Variants in RP2 observed in about 807,000 individuals in gnomAD.
The protein encoded by RP2 is protein XRP2.
A neutral mutation model predicts 20.3 loss-of-function variants in RP2; 3 were observed. The ratio of observed to expected loss-of-function variants is 0.15; its 90% CI spans 0.07 to 0.38. The LOEUF is 0.38. Among genes scored for constraint, RP2 ranks in the 10% least tolerant of loss-of-function variants. The pLI is 1.00. For missense variants in RP2, 233 were observed against 268.5 expected (o/e 0.87, Z 0.92); for synonymous variants, 75 against 94.8 (o/e 0.79, Z 1.22).
Position 46,853,748 on chromosome X carries a change from G to A in RP2, c.375G>A (p.Leu125=). The A allele has an allele frequency of 8.3e-7, 1 of 1,212,006 alleles. No individual in the cohort carries two copies. The highest frequency in any genetic ancestry group is 1.1e-6 in the Non-Finnish European group (1 of 895,606). The change falls in exon 2 of 5, where the codon CTG becomes CTA. Residue 125 remains leucine (L), a synonymous_variant. Coordinates refer to ENST00000218340, the MANE Select transcript of RP2 (RefSeq NM_006915.3). The part of the protein sequence containing the change: ...QQFRVRDCRK[L]EVFLCCATQP... ...TTCGTGTGCGAGATTGTAGAAAGCT[G>A]GAAGTCTTTTTGTGTTGTGCCACTC...
intron 1 of RP2, among the ~76,000 whole-genome samples, chrX:46,847,717 TATATGTGTGTGTGTATATACACAC>T (rs1173671578): frequency 1.7e-3 from 116 of 67,960 alleles, no homozygotes; most frequent in South Asian, 3.3e-3. Context: ...TATACACACA[TATATGTGTGTGTGTATATACACAC>T]ATATGTGTGT....
chrX:46,844,802 A>G (rs930966931), intron 1 of RP2, among the ~76,000 whole-genome samples: 1 of 111,843 alleles, frequency 8.9e-6, no homozygotes, highest in Admixed American at 9.5e-5. Context: ...CCAACAGTGT[A>G]AAAGTGTTCC....
chrX:46,845,029 A>G (rs1556315807), intron 1 of RP2, among the ~76,000 whole-genome samples: 1 of 112,005 alleles, frequency 8.9e-6, no homozygotes, highest in Non-Finnish European at 1.9e-5. Flanking sequence ...TTACTTGTAT[A>G]AATTCCAAAT....
At chrX:46,870,016 G>A (rs1925261720) in intron 3 of RP2, among the ~76,000 whole-genome samples, 1 of 112,468 alleles carries the variant, frequency 8.9e-6, no homozygotes, top group Admixed American at 9.4e-5. Flanking sequence ...TGATGCTGGA[G>A]CAAAGCTTAT....
rs149281017 is a variant in RP2, at chrX:46,850,613, T to C, written c.103-2863T>C. On this transcript the variant is annotated intron_variant, in intron 1 of 4. Coordinates refer to ENST00000218340, the MANE Select transcript of RP2 (RefSeq NM_006915.3). ...CTACTCCCTGAAGAATTTTACTTTG[T>C]TCCGTCTGTTACTTTTGCCTGGCAT... is the stretch of plus-strand genomic sequence containing the variant. 1.2e-3 allele frequency among the ~76,000 whole-genome samples: 129 copies of C among 111,803 alleles called. 1 individual carries two copies. The highest frequency in any genetic ancestry group is 4.0e-3 in the African/African-American group (123 of 30,786).
chrX:46,844,737 C>T lies in RP2; in HGVS notation c.102+7535C>T, dbSNP rs782259038. 3.6e-5 allele frequency among the ~76,000 whole-genome samples: 4 copies of T among 111,544 alleles called. No homozygotes were observed. The East Asian group carries it at 8.4e-4, about 23-fold the overall frequency. On this transcript the variant is annotated intron_variant, in intron 1 of 4. Coordinates refer to ENST00000218340, the MANE Select transcript of RP2 (RefSeq NM_006915.3). ...TCAAATGGTATTTCTAGTTCTAGAT[C>T]CTTGAGGAATCGCCACACCGTCTTC...
At chrX:46,838,118 A>T (rs1362972729) in intron 1 of RP2, among the ~76,000 whole-genome samples, 1 of 112,384 alleles carries the variant, frequency 8.9e-6, no homozygotes, top group Non-Finnish European at 1.9e-5. Context: ...TGAACAGTTA[A>T]CTCTTTGCTT....
chrX:46,837,757 T>C (rs1286898543), intron 1 of RP2, among the ~76,000 whole-genome samples: 2 of 112,160 alleles, frequency 1.8e-5, no homozygotes, highest in Non-Finnish European at 3.8e-5. Context: ...GACTGTTTAA[T>C]GTACAGCTTT....
Position 46,847,733 on chromosome X carries a change from T to C in RP2, c.103-5743T>C, listed in dbSNP as rs781881478. ...ATACACACATATATGTGTGTGTGTA[T>C]ATACACACATATGTGTGTGTGTATA... On this transcript the variant is annotated intron_variant, in intron 1 of 4. Coordinates refer to ENST00000218340, the MANE Select transcript of RP2 (RefSeq NM_006915.3). Among the ~76,000 whole-genome samples the C allele has an allele frequency of 3.1e-5, 3 of 96,127 alleles. No homozygotes were observed. In the South Asian group the frequency reaches 1.4e-3, roughly 46 times the overall value. The allele number at this position is 96,127 out of a possible 115,157, so 83.5% of individuals were successfully genotyped here.
chrX:46,846,908 T>C (rs1163700504), intron 1 of RP2, among the ~76,000 whole-genome samples: 1 of 111,583 alleles, frequency 9.0e-6, no homozygotes, highest in Non-Finnish European at 1.9e-5. Flanking sequence ...TTTTTATTTT[T>C]TGTAGAGACA....
intron 3 of RP2, among the ~76,000 whole-genome samples, chrX:46,873,556 GTTTT>G (rs1187037190): frequency 9.0e-6 from 1 of 111,542 alleles, no homozygotes; most frequent in Admixed American, 9.6e-5. Flanking sequence ...CAACACTGTA[GTTTT>G]TTTAAGGGTT....
At chrX:46,847,805 T>C (rs1453274365) in intron 1 of RP2, among the ~76,000 whole-genome samples, 8 of 92,083 alleles carry the variant, frequency 8.7e-5, no homozygotes, top group South Asian at 4.7e-4. Context: ...TGTGTATATA[T>C]ATACACACAT....
Position 46,880,909 on chromosome X carries a change from G to A in RP2, c.*1140G>A, listed in dbSNP as rs1194900726. 1 of 111,370 alleles carries A rather than the reference G, an allele frequency of 9.0e-6. No individual in the cohort carries two copies. Among genetic ancestry groups the A allele is most frequent in the African/African-American group, 3.3e-5 (1 of 30,666 alleles). The allele number at this position is 111,370 out of a possible 1,213,427, so 9.2% of individuals were successfully genotyped here. A position where few individuals can be genotyped will look rare whatever the true frequency, so the allele number is the denominator to read the frequency against. On this transcript the variant is annotated 3_prime_UTR_variant, in exon 5 of 5. Coordinates refer to ENST00000218340, the MANE Select transcript of RP2 (RefSeq NM_006915.3). ...GGGTATGTTGTAATCTAAAGTAATT[G>A]GTTCAGGAGGTGTCAATAGGTTGAA...
intron 3 of RP2, among the ~76,000 whole-genome samples, chrX:46,869,077 G>C (rs1212771957): frequency 9.1e-6 from 1 of 109,718 alleles, no homozygotes; most frequent in Non-Finnish European, 1.9e-5. Flanking sequence ...CCAGCCTTGG[G>C]GGGAGTGACC....
intron 3 of RP2, among the ~76,000 whole-genome samples, chrX:46,861,330 A>G (rs1428443044): frequency 2.7e-5 from 3 of 112,287 alleles, no homozygotes; most frequent in South Asian, 3.7e-4. Context: ...AGAACATTCC[A>G]CATGGAAGAA....
chrX:46,866,653 T>G (rs1556322633), intron 3 of RP2, among the ~76,000 whole-genome samples: 3 of 112,178 alleles, frequency 2.7e-5, no homozygotes, highest in African/African-American at 9.7e-5. Context: ...AAAACAGTTT[T>G]CCAAAGTCCT....
intron 1 of RP2, among the ~76,000 whole-genome samples, chrX:46,851,561 G>A (rs1011928694): frequency 2.7e-5 from 3 of 110,226 alleles, no homozygotes; most frequent in South Asian, 3.9e-4. Flanking sequence ...ACTTGAACCC[G>A]GGAGGTGGAG....
At chrX:46,864,701 A>G (rs1269276697) in intron 3 of RP2, among the ~76,000 whole-genome samples, 1 of 111,807 alleles carries the variant, frequency 8.9e-6, no homozygotes. Context: ...ATAAGCCACC[A>G]AGCCCAGCCA....
rs143312908 is a variant in RP2, at chrX:46,840,151, T to C, written c.102+2949T>C. 1.3e-4 allele frequency among the ~76,000 whole-genome samples: 15 copies of C among 111,905 alleles called. No individual in the cohort carries two copies. In the East Asian group the frequency reaches 3.7e-3, roughly 27 times the overall value. ...CACCACCACGCCTGGCTAATTTTTG[T>C]ATATTTTTAGTAGAGACAGGGTTTC... On this transcript the variant is annotated intron_variant, in intron 1 of 4. Transcript: ENST00000218340.
Sources: allele counts gnomAD v4.1 joint callset (sites outside exome capture counted in the v4.1 genomes callset), GRCh38; gene constraint gnomAD v4.1.1; transcripts MANE v1.5; gene names NCBI Gene and HGNC (gene_info 2026-07-23, HGNC 2026-07-21).